Variants in SOX5 observed in about 807,000 individuals in gnomAD.
SOX5 encodes transcription factor SOX-5.
A neutral mutation model predicts 92.0 loss-of-function variants in SOX5; 9 were observed. The observed-to-expected ratio is 0.10, with a 90% confidence interval of 0.06 to 0.17. SOX5 has a LOEUF of 0.17. SOX5 is among the 10% of genes least tolerant of loss of function. SOX5 has a pLI of 1.00. For synonymous variants in SOX5, 344 were observed against 336.3 expected (o/e 1.02, Z -0.25); for missense variants, 642 against 944.5 (o/e 0.68, Z 4.20).
intron 6 of SOX5, among the ~76,000 whole-genome samples, chr12:23,685,026 T>G (rs1247502294): frequency 6.6e-6 from 1 of 152,156 alleles, no homozygotes; most frequent in Non-Finnish European, 1.5e-5. Flanking sequence ...ATTATCATCT[T>G]CCTTGACTAT....
chr12:23,674,896 T>A (rs912163652), intron 6 of SOX5, among the ~76,000 whole-genome samples: 2 of 152,088 alleles, frequency 1.3e-5, no homozygotes, highest in Admixed American at 6.6e-5. Context: ...AACGACATAG[T>A]ACCTGGCATA....
intron 1 of SOX5, among the ~76,000 whole-genome samples, chr12:23,942,570 A>C (rs1341809699): frequency 1.3e-5 from 2 of 151,702 alleles, no homozygotes; most frequent in Non-Finnish European, 2.9e-5. Context: ...GAATGAGAGG[A>C]CACATCCTTT....
chr12:24,045,344 G>A (rs192207545), intron 4 of SOX5, among the ~76,000 whole-genome samples: 5 of 152,242 alleles, frequency 3.3e-5, no homozygotes, highest in Admixed American at 3.3e-4. Context: ...TACGTATTAG[G>A]TACTCTATTG....
chr12:24,258,954 G>C (rs1015256399), intron 3 of SOX5, among the ~76,000 whole-genome samples: 1 of 152,140 alleles, frequency 6.6e-6, no homozygotes, highest in Non-Finnish European at 1.5e-5. Context: ...GAGCCCAAAG[G>C]CTCCATCTTA....
intron 1 of SOX5, among the ~76,000 whole-genome samples, chr12:24,369,741 C>A (rs1956536349): frequency 6.6e-6 from 1 of 152,236 alleles, no homozygotes; most frequent in Non-Finnish European, 1.5e-5. Context: ...ACTAAACCTG[C>A]AATTGATGTC....
At chr12:24,487,537 C>CA (rs869099755) in intron 1 of SOX5, among the ~76,000 whole-genome samples, 3 of 152,054 alleles carry the variant, frequency 2.0e-5, no homozygotes, top group Non-Finnish European at 2.9e-5. Context: ...TGCAAGAGGA[C>CA]AAAATTTTTC....
At chr12:24,320,528 T>G (rs1337227136) in intron 2 of SOX5, among the ~76,000 whole-genome samples, 1 of 152,192 alleles carries the variant, frequency 6.6e-6, no homozygotes, top group African/African-American at 2.4e-5. Context: ...GATTTAATTT[T>G]TCTTTAATAC....
intron 4 of SOX5, among the ~76,000 whole-genome samples, chr12:24,055,747 G>GA (rs908235751): frequency 6.6e-6 from 1 of 151,512 alleles, no homozygotes; most frequent in Non-Finnish European, 1.5e-5. Flanking sequence ...ACAATGAAAA[G>GA]AAAAAAAAGT....
intron 3 of SOX5, among the ~76,000 whole-genome samples, chr12:24,271,814 G>A (rs1222459464): frequency 6.6e-6 from 1 of 152,032 alleles, no homozygotes; most frequent in Non-Finnish European, 1.5e-5. Context: ...TCTCTCATTT[G>A]CCTACTTGTC....
At chr12:24,330,620 A>T (rs1191168731) in intron 2 of SOX5, among the ~76,000 whole-genome samples, 2 of 152,254 alleles carry the variant, frequency 1.3e-5, no homozygotes, top group African/African-American at 4.8e-5. Context: ...GGCCCCACTT[A>T]AACGAAAGTT....
At chr12:23,949,755 T>G, upstream of SOX5, 1 of 709,796 alleles carries the variant, frequency 1.4e-6, no homozygotes, top group East Asian at 3.7e-5. Flanking sequence ...TCTCTCTCCC[T>G]CTCTCTCTCT....
chr12:24,387,923 C>T (rs1267131345), intron 1 of SOX5, among the ~76,000 whole-genome samples: 1 of 152,120 alleles, frequency 6.6e-6, no homozygotes, highest in Non-Finnish European at 1.5e-5. Context: ...TCTGCTTTCT[C>T]ACTCTCCCCA....
chr12:24,402,808 T>C (rs1277159986), intron 1 of SOX5, among the ~76,000 whole-genome samples: 1 of 152,200 alleles, frequency 6.6e-6, no homozygotes, highest in Non-Finnish European at 1.5e-5. Context: ...CCTACTAAAA[T>C]ACTGCTAGGA....
intron 3 of SOX5, among the ~76,000 whole-genome samples, chr12:24,253,142 G>A (rs2140176021): frequency 6.6e-6 from 1 of 152,296 alleles, no homozygotes; most frequent in Non-Finnish European, 1.5e-5. Flanking sequence ...CAAAGAGAAA[G>A]CCAAGAGAAA....
intron 6 of SOX5, among the ~76,000 whole-genome samples, chr12:23,677,984 T>G (rs559111078): frequency 2.0e-5 from 3 of 152,242 alleles, no homozygotes; most frequent in African/African-American, 7.2e-5. Context: ...TCTCACAGTA[T>G]CTGATGGAAC....
rs185249788 is a variant in SOX5, at chr12:23,974,664, A to T, written c.-1-78640T>A. Among the ~76,000 whole-genome samples the T allele has an allele frequency of 1.3e-3, 193 of 152,308 alleles. 1 individual carries two copies. The highest frequency in any genetic ancestry group is 4.5e-3 in the African/African-American group (188 of 41,568). On this transcript the variant is annotated intron_variant, in intron 4 of 4. Coordinates refer to the SOX5 transcript ENST00000446891. ...CAGGAATGACGGGAAGATAGTGGTA[A>T]TAAGAGAGTGAATCATCTTGCAAGA...
intron 4 of SOX5, among the ~76,000 whole-genome samples, chr12:24,146,826 T>C (rs529342755): frequency 7.2e-5 from 11 of 151,754 alleles, no homozygotes; most frequent in South Asian, 2.1e-4. Flanking sequence ...GATGTTAAAA[T>C]TTTAATAAGA....
chr12:24,407,719 C>G (rs1448789533), intron 1 of SOX5, among the ~76,000 whole-genome samples: 6 of 152,054 alleles, frequency 3.9e-5, no homozygotes, highest in African/African-American at 1.4e-4. Context: ...ACTATAGAAG[C>G]CTTAAAATCT....
At chr12:23,842,367 T>C (rs996217763) in intron 3 of SOX5, among the ~76,000 whole-genome samples, 4 of 152,110 alleles carry the variant, frequency 2.6e-5, no homozygotes, top group African/African-American at 9.7e-5. Flanking sequence ...GTTAGAGACA[T>C]TAGTAAGAAC....
Sources: allele counts gnomAD v4.1 joint callset (sites outside exome capture counted in the v4.1 genomes callset), GRCh38; gene constraint gnomAD v4.1.1; transcripts MANE v1.5; gene names NCBI Gene and HGNC (gene_info 2026-07-23, HGNC 2026-07-21).